FAM47E: variants seen among roughly 807,000 people sequenced by gnomAD.
FAM47E encodes the protein protein FAM47E.
A neutral mutation model predicts 41.6 loss-of-function variants in FAM47E; 32 were observed. The ratio of observed to expected loss-of-function variants is 0.77; its 90% CI spans 0.58 to 1.03. The LOEUF is 1.03. Ranked by LOEUF, FAM47E falls within the 50% of genes least tolerant of loss-of-function variation. The pLI, the probability that FAM47E is intolerant of heterozygous loss-of-function variation, is 0.00. For missense variants in FAM47E, 424 were observed against 485.4 expected (o/e 0.87, Z 1.19); for synonymous variants, 184 against 188.7 (o/e 0.98, Z 0.20).
chr4:76,228,109 G>A (rs1391101623), intron 2 of FAM47E, among the ~76,000 whole-genome samples: 2 of 149,212 alleles, frequency 1.3e-5, no homozygotes, highest in Admixed American at 1.3e-4. Flanking sequence ...TCATTGTGTT[G>A]TTGTTTTATA....
intron 2 of FAM47E, among the ~76,000 whole-genome samples, chr4:76,243,634 T>C (rs190753496): frequency 3.9e-5 from 6 of 152,338 alleles, no homozygotes; most frequent in Admixed American, 2.6e-4. Context: ...CCCTCTCTTA[T>C]TCATTCATTC....
At chr4:76,217,976 A>T (rs1381505408) in intron 2 of FAM47E, among the ~76,000 whole-genome samples, 1 of 152,220 alleles carries the variant, frequency 6.6e-6, no homozygotes, top group Non-Finnish European at 1.5e-5. Context: ...GAGTTTAATG[A>T]TGTAGTCATT....
intron 4 of FAM47E, chr4:76,269,625 TAA>T (rs1734800903): frequency 1.3e-5 from 2 of 150,668 alleles, no homozygotes; most frequent in Admixed American, 6.6e-5. Flanking sequence ...TAAAAAAATA[TAA>T]ATAAATAAAT....
intron 2 of FAM47E, among the ~76,000 whole-genome samples, chr4:76,259,614 A>G (rs1275198470): frequency 6.6e-6 from 1 of 152,244 alleles, no homozygotes; most frequent in Non-Finnish European, 1.5e-5. Flanking sequence ...TGGAACTCCC[A>G]AACCAAAATG....
intron 2 of FAM47E, among the ~76,000 whole-genome samples, chr4:76,240,026 G>C (rs1560734382): frequency 6.6e-6 from 1 of 152,024 alleles, no homozygotes; most frequent in Admixed American, 6.6e-5. Context: ...TGCTAAGAGG[G>C]TTTTTTTCTG....
chr4:76,254,084 T>A (rs956791063), intron 1 of FAM47E, among the ~76,000 whole-genome samples: 1 of 150,770 alleles, frequency 6.6e-6, no homozygotes, highest in African/African-American at 2.5e-5. Context: ...GAGCTATAAT[T>A]GCCACTGTAC....
Position 76,256,229 on chromosome 4 carries a change from C to G in FAM47E, c.126C>G (p.Ser42Arg), listed in dbSNP as rs2110005213. 2 of 1,551,668 alleles carry G rather than the reference C, an allele frequency of 1.3e-6. No individual in the cohort carries two copies. The highest frequency in any genetic ancestry group is 1.2e-5 in the South Asian group (1 of 84,062). The change falls in exon 2 of 8, where the codon AGC becomes AGG. Residue 42 changes from serine to arginine, a missense_variant. Ser to Arg is a moderately radical substitution (Grantham distance 110). Coordinates refer to ENST00000424749, the MANE Select transcript of FAM47E (RefSeq NM_001136570.3). Reference sequence around the variant, plus strand: ...TGAAGTTCCCCACCTCTCTGCACAGCCGGCAGTTGGTATTTCCAAGAAAGG... The same window carrying G: ...TGAAGTTCCCCACCTCTCTGCACAGGCGGCAGTTGGTATTTCCAAGAAAGG... ...NGLKFPTSLH[S>R]RQLVFPRKGL...
chr4:76,226,875 C>A (rs527672424), intron 2 of FAM47E, among the ~76,000 whole-genome samples: 1 of 152,068 alleles, frequency 6.6e-6, no homozygotes, highest in Admixed American at 6.5e-5. Flanking sequence ...GTAATAGCTC[C>A]CATTTCACTT....
rs992469166 is a variant in FAM47E at position 76,252,455 on chromosome 4, C to A, written c.74+635C>A. On this transcript the variant is annotated intron_variant, in intron 1 of 7. Coordinates refer to ENST00000424749, the MANE Select transcript of FAM47E (RefSeq NM_001136570.3). The stretch of plus-strand genomic sequence containing the variant: ...TGGTGAAGATTCCAAAGTCTAGAAT[C>A]AGAAAGGCTTGAGTAGAAGGCTAGT... Among the ~76,000 whole-genome samples the A allele has an allele frequency of 4.5e-4, 68 of 152,162 alleles. 1 individual carries two copies. The highest frequency in any genetic ancestry group is 8.8e-5 in the Non-Finnish European group (6 of 68,026).
chr4:76,282,449 G>C (rs1735395056), intron 7 of FAM47E: 1 of 152,142 alleles, frequency 6.6e-6, no homozygotes, highest in South Asian at 2.1e-4. Flanking sequence ...TGCTTTTCTG[G>C]GATAGGAATG....
At chr4:76,264,802 G>T (rs1411864760) in intron 3 of FAM47E, among the ~76,000 whole-genome samples, 2 of 152,102 alleles carry the variant, frequency 1.3e-5, no homozygotes, top group African/African-American at 4.8e-5. Flanking sequence ...CGCCATGTTG[G>T]CCAGCCTAGT....
chr4:76,256,773 C>T (rs780134019), intron 2 of FAM47E, among the ~76,000 whole-genome samples: 10 of 152,152 alleles, frequency 6.6e-5, no homozygotes, highest in African/African-American at 9.7e-5. Flanking sequence ...ACAAAGATGC[C>T]ACAAACCAGA....
At chr4:76,254,459 T>G (rs1276856321) in intron 1 of FAM47E, among the ~76,000 whole-genome samples, 1 of 152,194 alleles carries the variant, frequency 6.6e-6, no homozygotes, top group African/African-American at 2.4e-5. Flanking sequence ...TTTAGCTATT[T>G]AAGAGTGATC....
intron 2 of FAM47E, among the ~76,000 whole-genome samples, chr4:76,226,104 G>A (rs549862746): frequency 9.1e-4 from 76 of 83,434 alleles, no homozygotes; most frequent in African/African-American, 2.3e-3. Flanking sequence ...TATGAAGTCC[G>A]ACGGAGTCAA....
At chr4:76,251,977 C>A (rs562166948) in intron 1 of FAM47E, among the ~76,000 whole-genome samples, 157 bp downstream of exon 1, 5 of 152,266 alleles carry the variant, frequency 3.3e-5, no homozygotes, top group African/African-American at 1.2e-4. Context: ...GCTGAGATAA[C>A]CAACGCTTGG....
chr4:76,259,009 A>G (rs1292174051), intron 2 of FAM47E, among the ~76,000 whole-genome samples: 1 of 152,194 alleles, frequency 6.6e-6, no homozygotes, highest in Non-Finnish European at 1.5e-5. Context: ...GTCTGAGAGG[A>G]TGTCCCCAGA....
At chr4:76,261,588 A>G (rs763294548) in intron 2 of FAM47E, among the ~76,000 whole-genome samples, 1 of 152,158 alleles carries the variant, frequency 6.6e-6, no homozygotes, top group Non-Finnish European at 1.5e-5. Flanking sequence ...ATCAAATACC[A>G]TGTGTTCTTG....
chr4:76,237,928 C>T (rs2109989599), intron 2 of FAM47E, among the ~76,000 whole-genome samples: 1 of 152,312 alleles, frequency 6.6e-6, no homozygotes, highest in South Asian at 2.1e-4. Flanking sequence ...GGCCCCACCT[C>T]CAACACAGGG....
chr4:76,266,177 ATCT>A (rs1231310434), intron 3 of FAM47E, among the ~76,000 whole-genome samples: 3 of 152,158 alleles, frequency 2.0e-5, no homozygotes, highest in African/African-American at 7.2e-5. Context: ...CTCCGTAGTC[ATCT>A]TTTACTGGCC....
Sources: gnomAD v4.1 joint callset for allele counts (sites outside exome capture counted in the v4.1 genomes callset) on GRCh38, gnomAD v4.1.1 for gene constraint, MANE v1.5 for transcripts, NCBI Gene and HGNC (gene_info 2026-07-23, HGNC 2026-07-21) for gene names.